NCOR1: variants seen among roughly 807,000 people sequenced by gnomAD.
The protein encoded by NCOR1 is protein phosphatase 1, regulatory subunit 109.
In NCOR1, 63 loss-of-function variants were observed where a neutral mutation model predicts 288.1. The observed-to-expected ratio is 0.22, with a 90% CI of 0.18 to 0.27. NCOR1 has a LOEUF of 0.27. NCOR1 is among the 10% of genes least tolerant of loss of function. The pLI is 1.00. For synonymous variants in NCOR1, 1,007 were observed against 1,065.9 expected, an observed-to-expected ratio of 0.94 and a Z score of 1.08; for missense variants, 2,397 against 3,019.2, an observed-to-expected ratio of 0.79 and a Z score of 4.83.
chr17:16,188,688 T>G (rs1374692180), intron 2 of NCOR1, among the ~76,000 whole-genome samples: 1 of 149,832 alleles, frequency 6.7e-6, no homozygotes, highest in African/African-American at 2.5e-5. Context: ...AAACAGTAAA[T>G]AAAAGTAAAA....
chr17:16,170,269 G>A (rs2082882689), intron 4 of NCOR1, among the ~76,000 whole-genome samples: 1 of 151,768 alleles, frequency 6.6e-6, no homozygotes, highest in Admixed American at 6.6e-5. Flanking sequence ...AGGGAAGAAA[G>A]GGCAATTAGG....
At chr17:16,165,764 G>C (rs1268078907) in intron 4 of NCOR1, among the ~76,000 whole-genome samples, 3 of 152,114 alleles carry the variant, frequency 2.0e-5, no homozygotes, top group Non-Finnish European at 4.4e-5. Context: ...ATCCCATTGT[G>C]CCTCCAAATC....
chr17:16,052,987 T>G lies in NCOR1; in HGVS notation c.6393-3999A>C, dbSNP rs77583787. On this transcript the variant is annotated intron_variant, in intron 40 of 45. Coordinates refer to ENST00000268712, the MANE Select transcript of NCOR1 (RefSeq NM_006311.4). ...ATGCAGAAAAGGCTTTCAATAAAAT[T>G]CAGTACCCTTTCATGTTAAAAACTC... Among the ~76,000 whole-genome samples, 1,497 of 152,252 alleles carry G rather than the reference T, an allele frequency of 9.8e-3. 41 individuals carry two copies. The South Asian group carries it at 0.099, about 10-fold the overall frequency.
At chr17:16,184,322 GAATT>G (rs1397430341) in intron 3 of NCOR1, among the ~76,000 whole-genome samples, 1 of 152,088 alleles carries the variant, frequency 6.6e-6, no homozygotes, top group Non-Finnish European at 1.5e-5. Context: ...ATCTGCTAAG[GAATT>G]AATATCCAGA....
Position 16,092,683 on chromosome 17 carries a change from A to T in NCOR1, c.2821-625T>A, listed in dbSNP as rs1567959452. Among the ~76,000 whole-genome samples, 8 of 17,832 alleles carry T rather than the reference A, an allele frequency of 4.5e-4. No homozygotes were observed. The East Asian group carries it at 0.018, about 41-fold the overall frequency. The allele number at this position is 17,832 out of a possible 152,430, so 11.7% of individuals were successfully genotyped here. A position where few individuals can be genotyped will look rare whatever the true frequency, so the allele number is the denominator to read the frequency against. On this transcript the variant is annotated intron_variant, in intron 21 of 45. Transcript: ENST00000268712. ...TATATATATATATATATATATATAT[A>T]TATATATATATATTTTTTTTTTTTT... is the stretch of plus-strand genomic sequence containing the variant.
intron 32 of NCOR1, among the ~76,000 whole-genome samples, chr17:16,067,392 G>T (rs1567806859): frequency 6.6e-6 from 1 of 151,970 alleles, no homozygotes; most frequent in African/African-American, 2.4e-5. Context: ...TCAAAGGCTG[G>T]AAAAAAAATC....
intron 22 of NCOR1, among the ~76,000 whole-genome samples, chr17:16,091,389 C>A (rs536210239): frequency 6.6e-6 from 1 of 152,350 alleles, no homozygotes; most frequent in South Asian, 2.1e-4. Flanking sequence ...GGTTAAGTGA[C>A]TTGCCTGTGG....
At chr17:16,199,149 TC>T (rs1191962914) in intron 1 of NCOR1, among the ~76,000 whole-genome samples, 2 of 119,410 alleles carry the variant, frequency 1.7e-5, no homozygotes, top group East Asian at 2.2e-4. Context: ...CTTTATTATC[TC>T]AAAAAAAAAA....
chr17:16,126,061 A>G, intron 15 of NCOR1, 21 bp downstream of exon 15: 1 of 1,063,218 alleles, frequency 9.4e-7, no homozygotes, highest in Non-Finnish European at 1.3e-6. Flanking sequence ...AACTTATTAT[A>G]TAACTAATTA....
intron 4 of NCOR1, 49 bp downstream of exon 4, chr17:16,171,754 T>C (rs558451611): frequency 2.1e-6 from 3 of 1,427,302 alleles, no homozygotes; most frequent in East Asian, 5.0e-5. Context: ...TATAACTAAA[T>C]AAACATTACA....
intron 18 of NCOR1, among the ~76,000 whole-genome samples, chr17:16,109,543 T>C (rs2069547300): frequency 6.6e-6 from 1 of 152,210 alleles, no homozygotes; most frequent in South Asian, 2.1e-4. Context: ...GAAAACATTA[T>C]GTTGACATAA....
intron 22 of NCOR1, among the ~76,000 whole-genome samples, chr17:16,089,865 G>A (rs911110186): frequency 6.6e-6 from 1 of 152,072 alleles, no homozygotes; most frequent in African/African-American, 2.4e-5. Context: ...ACAAATTACA[G>A]GATGAATACA....
At chr17:16,129,162 G>T (rs113116618) in intron 14 of NCOR1, among the ~76,000 whole-genome samples, 1 of 152,112 alleles carries the variant, frequency 6.6e-6, no homozygotes, top group East Asian at 1.9e-4. Context: ...ATACTTTTAG[G>T]TCATGGCCAT....
intron 14 of NCOR1, among the ~76,000 whole-genome samples, chr17:16,136,905 A>T (rs924051551): frequency 3.3e-5 from 5 of 151,952 alleles, no homozygotes; most frequent in Non-Finnish European, 7.4e-5. Flanking sequence ...GGTTTTTGTA[A>T]AGAATCTCTA....
At position 16,138,031 on chromosome 17, in the gene NCOR1, C is replaced by T. The variant is rs915569666; in HGVS notation, c.1407+127G>A. 3.6e-5 allele frequency: 24 copies of T among 667,022 alleles called. No individual in the cohort carries two copies. In the African/African-American group the frequency reaches 3.7e-4, roughly 10 times the overall value. 41.3% of individuals were successfully genotyped at this position (667,022 alleles called of 1,614,324 possible). ...ATTGTAATTATCATTACATTAATCA[C>T]ATGAGACTCTTCGCAGTCTTTTTAA... is the stretch of plus-strand genomic sequence containing the variant. On this transcript the variant is annotated intron_variant, in intron 13 of 45. Transcript: ENST00000268712.
At chr17:16,201,298 A>G (rs1297602267) in intron 1 of NCOR1, among the ~76,000 whole-genome samples, 2 of 152,186 alleles carry the variant, frequency 1.3e-5, no homozygotes, top group East Asian at 1.9e-4. Context: ...ATGGGTACAC[A>G]TACTCAATAA....
chr17:16,137,401 A>G lies in NCOR1; in HGVS notation c.1419T>C (p.Asp473=). Residue 473 remains aspartate (D), a synonymous_variant, in exon 14 of 46, where the codon GAT becomes GAC. Transcript: ENST00000268712. ...TGGTTAAATAGTAATACAAAACACAATCAGGAACACTCTGTAAGAAATAAA... is the reference window on the plus strand; with the variant it reads ...TGGTTAAATAGTAATACAAAACACAGTCAGGAACACTCTGTAAGAAATAAA... ...ASYLERKSVP[D]CVLYYYLTKK... 1 of 1,539,212 alleles carries G rather than the reference A, an allele frequency of 6.5e-7. No homozygotes were observed. The highest frequency in any genetic ancestry group is 8.9e-7 in the Non-Finnish European group (1 of 1,125,512).
At chr17:16,181,225 G>A (rs1242314552) in intron 3 of NCOR1, among the ~76,000 whole-genome samples, 2,474 of 148,632 alleles carry the variant, frequency 0.017, 65 homozygotes, top group African/African-American at 0.056. Context: ...GTGTGTGTGT[G>A]TGTGTGTGTG....
At chr17:16,211,526 C>T (rs536809564) in intron 1 of NCOR1, among the ~76,000 whole-genome samples, 1 of 152,252 alleles carries the variant, frequency 6.6e-6, no homozygotes, top group African/African-American at 2.4e-5. Context: ...AGCCACTGTG[C>T]CCTGCCATTA....
Sources: allele counts gnomAD v4.1 joint callset (sites outside exome capture counted in the v4.1 genomes callset), GRCh38; gene constraint gnomAD v4.1.1; transcripts MANE v1.5; gene names NCBI Gene and HGNC (gene_info 2026-07-23, HGNC 2026-07-21).